IPPK: variants seen among roughly 807,000 people sequenced by gnomAD.
The protein encoded by IPPK is IPK1 homolog.
A neutral mutation model predicts 64.6 loss-of-function variants in IPPK; 22 were observed. That is an observed-to-expected ratio of 0.34 (90% CI 0.24 to 0.49). The LOEUF (loss-of-function observed/expected upper bound fraction) is 0.49, where lower values mean the gene tolerates loss of function less well. Among genes scored for constraint, IPPK ranks in the 20% least tolerant of loss-of-function variants. The probability of loss-of-function intolerance (pLI) is 0.99; values close to 1 mark genes in which losing one functional copy is unlikely to be tolerated. For missense variants in IPPK, 532 were observed against 630.7 expected, an observed-to-expected ratio of 0.84 and a Z score of 1.68; for synonymous variants, 262 against 247.2, an observed-to-expected ratio of 1.06 and a Z score of -0.56.
chr9:92,653,846 A>G (rs1852317647), intron 3 of IPPK, among the ~76,000 whole-genome samples: 1 of 152,220 alleles, frequency 6.6e-6, no homozygotes. Context: ...TTTGTCTCAA[A>G]AACAAAAACA....
At chr9:92,669,821 C>A in intron 1 of IPPK, 87 bp downstream of exon 1, 1 of 996,868 alleles carries the variant, frequency 1.0e-6, no homozygotes, top group South Asian at 1.4e-5. Context: ...GTGGAACCGA[C>A]CCTGTTGAGG....
At chr9:92,659,550 AT>A (rs1364579794) in intron 1 of IPPK, among the ~76,000 whole-genome samples, 1 of 152,114 alleles carries the variant, frequency 6.6e-6, no homozygotes, top group Non-Finnish European at 1.5e-5. Flanking sequence ...AAGAACGTAC[AT>A]TATATGTAGG....
chr9:92,657,480 C>T (rs563105051), intron 2 of IPPK, among the ~76,000 whole-genome samples: 13 of 152,298 alleles, frequency 8.5e-5, no homozygotes, highest in Non-Finnish European at 1.8e-4. Flanking sequence ...GACACTGCCC[C>T]GGCCACTCCA....
chr9:92,637,282 G>T (rs958157528), intron 9 of IPPK, among the ~76,000 whole-genome samples: 1 of 152,190 alleles, frequency 6.6e-6, no homozygotes, highest in African/African-American at 2.4e-5. Context: ...CTCTGGCCTG[G>T]GTAAGAGAGT....
At chr9:92,629,278 C>A (rs1851790152) in intron 11 of IPPK, among the ~76,000 whole-genome samples, 1 of 152,064 alleles carries the variant, frequency 6.6e-6, no homozygotes, top group Non-Finnish European at 1.5e-5. Flanking sequence ...TATGAACAAC[C>A]TAAGAAAAAC....
At chr9:92,650,309 G>A (rs113378321) in intron 4 of IPPK, among the ~76,000 whole-genome samples, 2,061 of 151,770 alleles carry the variant, frequency 0.014, 56 homozygotes, top group African/African-American at 0.047. Context: ...GCCTGGCGAA[G>A]GAGCAAGACT....
intron 11 of IPPK, among the ~76,000 whole-genome samples, chr9:92,624,719 C>G (rs1587620462): frequency 7.1e-6 from 1 of 140,468 alleles, no homozygotes; most frequent in Non-Finnish European, 1.6e-5. Context: ...ATTTGAGGAC[C>G]TGCTGTATAG....
rs1564040227 is a variant in IPPK, at chr9:92,656,460, T to C, written c.221A>G (p.Tyr74Cys). Residue 74 changes from tyrosine (Y) to cysteine (C), a missense_variant, in exon 3 of 13, where the codon TAT becomes TGT. Coordinates refer to ENST00000287996, the MANE Select transcript of IPPK (RefSeq NM_022755.6). ...ATGTGAATAAAAAGCACTTACCCCA[T>C]AATGAACATAGTTCTCCCCCAAAAA... ...KEFLGENYVHYGEVVQLPLEF... is the reference protein window; with the variant it reads ...KEFLGENYVHCGEVVQLPLEF... The C allele has an allele frequency of 1.2e-6, 2 of 1,602,324 alleles. No homozygotes were observed. The highest frequency in any genetic ancestry group is 8.6e-7 in the Non-Finnish European group (1 of 1,169,264).
intron 8 of IPPK, 44 bp downstream of exon 8, chr9:92,640,666 C>T (rs749960856): frequency 1.6e-5 from 22 of 1,356,946 alleles, no homozygotes; most frequent in African/African-American, 1.6e-4. Context: ...TGAACCTTTG[C>T]CAGCCCCACC....
chr9:92,638,319 C>T (rs561230228), intron 8 of IPPK, 39 bp from the exon 9 acceptor site: 1 of 1,589,946 alleles, frequency 6.3e-7, no homozygotes, highest in African/African-American at 1.3e-5. Flanking sequence ...CGTCAAACCA[C>T]CAAGCTTGTA....
rs114753202 is a variant in IPPK at position 92,623,123 on chromosome 9, T to C, written c.1171-3558A>G. Among the ~76,000 whole-genome samples, 569 of 152,230 alleles carry C rather than the reference T, an allele frequency of 3.7e-3. 3 individuals carry two copies. The highest frequency in any genetic ancestry group is 0.013 in the African/African-American group (536 of 41,526). On this transcript the variant is annotated intron_variant, in intron 11 of 12. Coordinates refer to ENST00000287996, the MANE Select transcript of IPPK (RefSeq NM_022755.6). ...CTACCTTAACATTATGAACCGTTCTTATAAGGACTCCATTAAGAATCAAAA... is the reference window on the plus strand; with the variant it reads ...CTACCTTAACATTATGAACCGTTCTCATAAGGACTCCATTAAGAATCAAAA...
Position 92,635,140 on chromosome 9 carries a change from G to C in IPPK, c.1067+18C>G, listed in dbSNP as rs2131433544. The C allele has an allele frequency of 1.2e-6, 2 of 1,602,728 alleles. No individual in the cohort carries two copies. Among genetic ancestry groups the C allele is most frequent in the Non-Finnish European group, 1.7e-6 (2 of 1,172,976 alleles). ...TCTCCTCTCAGGGCTGCCCAACAGG[G>C]GGACCGCCCGACCTCACCTCTCCTC... is the stretch of plus-strand genomic sequence containing the variant. On this transcript the variant is annotated intron_variant, in intron 10 of 12. Coordinates refer to ENST00000287996, the MANE Select transcript of IPPK (RefSeq NM_022755.6). This position sits in a 1 kb window ranked among gnomAD's most constrained non-coding sequence, Gnocchi z 4.4.
At chr9:92,659,770 C>G (rs1321934459) in intron 1 of IPPK, among the ~76,000 whole-genome samples, 1 of 152,156 alleles carries the variant, frequency 6.6e-6, no homozygotes, top group Non-Finnish European at 1.5e-5. Flanking sequence ...GCCAGACTCC[C>G]CCACCCGCTC....
At chr9:92,619,443 CCCCGTTAG>C (rs1554694597) in intron 12 of IPPK, 35 bp downstream of exon 12, 3 of 1,483,836 alleles carry the variant, frequency 2.0e-6, no homozygotes, top group Middle Eastern at 1.7e-4. Flanking sequence ...GTCCATAAAA[CCCCGTTAG>C]ACCCAGGCTG....
At chr9:92,666,035 C>T (rs949681315) in intron 1 of IPPK, among the ~76,000 whole-genome samples, 4 of 152,126 alleles carry the variant, frequency 2.6e-5, no homozygotes, top group African/African-American at 7.2e-5. Flanking sequence ...AGAAAGGTCA[C>T]GAAACTGGAA....
chr9:92,647,080 G>C lies in IPPK; in HGVS notation c.504+979C>G, dbSNP rs532563305. ...CAAATATGACACAATCCTGTGGCTA[G>C]ACCAAGGAAAAAGAGACAGAAACCA... On this transcript the variant is annotated intron_variant, in intron 6 of 12. Transcript: ENST00000287996. Among the ~76,000 whole-genome samples, 6 of 152,228 alleles carry C rather than the reference G, an allele frequency of 3.9e-5. No homozygotes were observed. In the South Asian group the frequency reaches 1.2e-3, roughly 32 times the overall value.
At chr9:92,618,474 C>A (rs1322136487) in intron 12 of IPPK, 2 of 456,558 alleles carry the variant, frequency 4.4e-6, no homozygotes, top group African/African-American at 4.0e-5. Context: ...TCACAGCCCA[C>A]CTAAGGGCAC....
intron 11 of IPPK, among the ~76,000 whole-genome samples, chr9:92,631,721 T>C (rs1300442614): frequency 6.6e-6 from 1 of 152,242 alleles, no homozygotes; most frequent in African/African-American, 2.4e-5. Flanking sequence ...AGGTGAGTGA[T>C]GCTGACACAA....
chr9:92,647,323 T>C (rs1564035828), intron 6 of IPPK, among the ~76,000 whole-genome samples: 3 of 152,148 alleles, frequency 2.0e-5, no homozygotes, highest in Admixed American at 1.3e-4. Flanking sequence ...CACTAGTGAA[T>C]TCTACCAAAC....
Sources: allele counts gnomAD v4.1 joint callset (sites outside exome capture counted in the v4.1 genomes callset), GRCh38; gene constraint gnomAD v4.1.1; non-coding constraint Gnocchi (gnomAD v3.1); transcripts MANE v1.5; gene names NCBI Gene and HGNC (gene_info 2026-07-23, HGNC 2026-07-21).